The following CUX1 variants were observed in gnomAD, a reference collection of about 807,000 sequenced individuals.
CUX1 encodes the protein cut like homeobox 1.
In CUX1, 31 loss-of-function variants were observed where a neutral mutation model predicts 158.8. That is an observed-to-expected ratio of 0.20 (90% CI 0.15 to 0.26). The LOEUF is 0.26. CUX1 is among the 10% of genes least tolerant of loss of function. The probability of loss-of-function intolerance (pLI) is 1.00; values close to 1 mark genes in which losing one functional copy is unlikely to be tolerated. For missense variants in CUX1, 1,589 were observed against 2,014.6 expected (o/e 0.79, Z 4.04); for synonymous variants, 879 against 862.1 (o/e 1.02, Z -0.34).
At chr7:102,145,086 T>TA (rs59225537) in intron 8 of CUX1, among the ~76,000 whole-genome samples, 1,401 of 118,754 alleles carry the variant, frequency 0.012, 12 homozygotes, top group East Asian at 0.032. Context: ...GACTCCGTCT[T>TA]AAAAAAAAAA....
At chr7:102,261,975 G>A (rs895120147), downstream of CUX1, among the ~76,000 whole-genome samples, 7 of 152,114 alleles carry the variant, frequency 4.6e-5, no homozygotes, top group East Asian at 1.9e-4. Context: ...AAAATTCGCC[G>A]GATGTGCTGG....
intron 2 of CUX1, among the ~76,000 whole-genome samples, chr7:101,999,355 C>T (rs1298452977): frequency 2.6e-5 from 4 of 151,512 alleles, no homozygotes; most frequent in African/African-American, 7.3e-5. Flanking sequence ...CGCGCCTGGC[C>T]GATTTTTATC....
At chr7:101,963,110 G>C (rs529836902) in intron 2 of CUX1, among the ~76,000 whole-genome samples, 2 of 152,294 alleles carry the variant, frequency 1.3e-5, no homozygotes, top group African/African-American at 2.4e-5. Flanking sequence ...TCCCCCTGCT[G>C]ATGCCACCTC....
chr7:102,219,132 A>C (rs1797556112), intron 20 of CUX1, among the ~76,000 whole-genome samples: 1 of 151,136 alleles, frequency 6.6e-6, no homozygotes, highest in African/African-American at 2.4e-5. Flanking sequence ...ACACCCCAGC[A>C]CCTACTAGGT....
At chr7:102,117,725 A>G (rs1304199122) in intron 8 of CUX1, among the ~76,000 whole-genome samples, 3 of 152,202 alleles carry the variant, frequency 2.0e-5, no homozygotes, top group African/African-American at 4.8e-5. Context: ...AGAGGGTGGT[A>G]TGGGATTCGG....
intron 18 of CUX1, among the ~76,000 whole-genome samples, chr7:102,202,515 G>C (rs1208081559): frequency 6.6e-6 from 1 of 152,096 alleles, no homozygotes. Flanking sequence ...ACCAAGGCTT[G>C]GGGACGTTAA....
chr7:101,839,346 C>T (rs183060562), intron 1 of CUX1, among the ~76,000 whole-genome samples: 69 of 152,202 alleles, frequency 4.5e-4, no homozygotes, highest in Non-Finnish European at 3.5e-4. Context: ...TTCTTACACA[C>T]GTCCCTTACC....
At chr7:102,132,824 A>C (rs1349407253) in intron 8 of CUX1, among the ~76,000 whole-genome samples, 1 of 151,094 alleles carries the variant, frequency 6.6e-6, no homozygotes, top group Non-Finnish European at 1.5e-5. Context: ...GGCACCCGCC[A>C]CTACACCTGG....
intron 2 of CUX1, among the ~76,000 whole-genome samples, chr7:101,927,154 A>T (rs1805688142): frequency 6.7e-6 from 1 of 149,506 alleles, no homozygotes; most frequent in African/African-American, 2.5e-5. Flanking sequence ...CACAACACAC[A>T]CACACACACA....
intron 1 of CUX1, chr7:101,824,393 CTCTTT>C (rs1408119971): frequency 2.0e-5 from 3 of 152,254 alleles, no homozygotes; most frequent in Non-Finnish European, 2.9e-5. Context: ...CTGGCCTCCA[CTCTTT>C]TTAGACACCT....
intron 1 of CUX1, among the ~76,000 whole-genome samples, chr7:101,859,334 A>G (rs937216435): frequency 2.0e-5 from 3 of 152,268 alleles, no homozygotes; most frequent in African/African-American, 7.2e-5. Context: ...TTTAAAAATT[A>G]CCAATTGACC....
rs1042339819 is a variant in CUX1 at position 102,156,811 on chromosome 7, C to T, written c.675-1749C>T. On this transcript the variant is annotated intron_variant, in intron 8 of 23. Transcript: ENST00000292535. ...TCCAGGACTCTGGCATCCAACGTGACGTGCAGCCCTGTGAATACAGGACAA... is the reference window on the plus strand; with the variant it reads ...TCCAGGACTCTGGCATCCAACGTGATGTGCAGCCCTGTGAATACAGGACAA... Among the ~76,000 whole-genome samples the T allele has an allele frequency of 7.9e-5, 12 of 152,196 alleles. 1 individual carries two copies. The highest frequency in any genetic ancestry group is 1.4e-4 in the African/African-American group (6 of 41,460).
At chr7:102,178,718 G>A (rs1792680776) in intron 11 of CUX1, 61 bp downstream of exon 11, 14 of 1,495,750 alleles carry the variant, frequency 9.4e-6, no homozygotes, top group South Asian at 5.0e-5. Context: ...CTGGACACAC[G>A]CGCACACACA....
chr7:101,941,220 G>A (rs1242281048), intron 2 of CUX1, among the ~76,000 whole-genome samples: 1 of 152,188 alleles, frequency 6.6e-6, no homozygotes. Context: ...GAGGAGGGCG[G>A]GTTGGGGGAG....
intron 11 of CUX1, among the ~76,000 whole-genome samples, chr7:102,184,397 G>A (rs1254684354): frequency 3.3e-5 from 5 of 152,142 alleles, no homozygotes; most frequent in South Asian, 2.1e-4. Context: ...CTTTTCCATC[G>A]TATTATTACA....
At chr7:102,054,005 G>T in intron 3 of CUX1, among the ~76,000 whole-genome samples, 1 of 151,602 alleles carries the variant, frequency 6.6e-6, no homozygotes, top group South Asian at 2.1e-4. Flanking sequence ...ACAGAGTTTC[G>T]CCATGTTGGC....
At chr7:102,149,782 C>T (rs538883293) in intron 8 of CUX1, among the ~76,000 whole-genome samples, 5 of 152,272 alleles carry the variant, frequency 3.3e-5, no homozygotes, top group African/African-American at 1.2e-4. Context: ...TTTGACCCCC[C>T]GAGTTAAGGG....
At chr7:102,114,595 C>A (rs1374850048) in intron 7 of CUX1, among the ~76,000 whole-genome samples, 1 of 152,200 alleles carries the variant, frequency 6.6e-6, no homozygotes, top group African/African-American at 2.4e-5. Context: ...AACATGAAAT[C>A]ATCCAGGTAC....
chr7:102,049,014 G>C (rs1371798681), intron 3 of CUX1, among the ~76,000 whole-genome samples: 1 of 152,014 alleles, frequency 6.6e-6, no homozygotes, highest in African/African-American at 2.4e-5. Context: ...TGGGCCAGCG[G>C]TCACCGAGAT....
Sources: allele counts gnomAD v4.1 joint callset (sites outside exome capture counted in the v4.1 genomes callset), GRCh38; gene constraint gnomAD v4.1.1; transcripts MANE v1.5; gene names NCBI Gene and HGNC (gene_info 2026-07-23, HGNC 2026-07-21).